POT1: variants seen among roughly 807,000 people sequenced by gnomAD.
The protein encoded by POT1 is protection of telomeres 1.
Under a neutral mutation model 78.5 loss-of-function variants are expected in POT1, and 47 were observed. The observed-to-expected ratio is 0.60, with a 90% CI of 0.47 to 0.76. The LOEUF is 0.76. Among genes scored for constraint, POT1 ranks in the 30% least tolerant of loss-of-function variants. POT1 has a pLI of 0.00. For synonymous variants in POT1, 259 were observed against 260.7 expected, an observed-to-expected ratio of 0.99 and a Z score of 0.06; for missense variants, 646 against 749.9, an observed-to-expected ratio of 0.86 and a Z score of 1.62.
At chr7:124,852,695 T>G (rs1484209142) in intron 10 of POT1, among the ~76,000 whole-genome samples, 2 of 152,146 alleles carry the variant, frequency 1.3e-5, no homozygotes, top group Admixed American at 1.3e-4. Flanking sequence ...CCCTGTTTGT[T>G]GCTGTACTTG....
intron 3 of POT1, among the ~76,000 whole-genome samples, chr7:124,906,284 A>C (rs925232104): frequency 2.0e-5 from 3 of 152,158 alleles, no homozygotes; most frequent in African/African-American, 7.2e-5. Flanking sequence ...TGTGGCACAT[A>C]TACACCATGG....
chr7:124,884,196 C>T (rs1341654872), intron 6 of POT1, among the ~76,000 whole-genome samples: 1 of 151,954 alleles, frequency 6.6e-6, no homozygotes. Flanking sequence ...TAACAAAAAA[C>T]AGCATTCTAG....
chr7:124,890,927 G>A (rs1187745660), intron 6 of POT1, among the ~76,000 whole-genome samples: 1 of 151,764 alleles, frequency 6.6e-6, no homozygotes, highest in African/African-American at 2.4e-5. Context: ...GTGACCTAAC[G>A]AGTTATGTAT....
intron 2 of POT1, among the ~76,000 whole-genome samples, chr7:124,925,466 T>TA (rs199706718): frequency 0.012 from 1,778 of 151,772 alleles, 42 homozygotes; most frequent in African/African-American, 0.039. Flanking sequence ...GTAAACAACA[T>TA]AAAAAAATGG....
At chr7:124,840,886 T>C in intron 14 of POT1, 87 bp downstream of exon 14, 1 of 1,060,458 alleles carries the variant, frequency 9.4e-7, no homozygotes, top group Non-Finnish European at 1.4e-6. Flanking sequence ...ATGTACTAGG[T>C]TGTCTGTAAA....
chr7:124,901,689 T>C (rs1796624154), intron 3 of POT1, among the ~76,000 whole-genome samples: 1 of 152,220 alleles, frequency 6.6e-6, no homozygotes, highest in Non-Finnish European at 1.5e-5. Context: ...TTTGATGAGT[T>C]GGCAGAAGTA....
intron 6 of POT1, among the ~76,000 whole-genome samples, chr7:124,877,558 C>A (rs117096264): frequency 1.3e-5 from 2 of 151,656 alleles, no homozygotes; most frequent in Non-Finnish European, 2.9e-5. Context: ...AGTAATCAAC[C>A]GGTCGTGGGG....
intron 2 of POT1, among the ~76,000 whole-genome samples, chr7:124,925,665 A>G (rs1347116202): frequency 1.3e-5 from 2 of 152,206 alleles, no homozygotes; most frequent in Non-Finnish European, 2.9e-5. Flanking sequence ...TCCTAATCAA[A>G]AAGAACAATG....
At chr7:124,838,445 G>C (rs565170535) in intron 14 of POT1, among the ~76,000 whole-genome samples, 1 of 152,142 alleles carries the variant, frequency 6.6e-6, no homozygotes, top group East Asian at 1.9e-4. Flanking sequence ...CTAACAAAAT[G>C]TGATCTATAT....
At chr7:124,875,900 T>C (rs1562999812) in intron 6 of POT1, among the ~76,000 whole-genome samples, 2 of 152,158 alleles carry the variant, frequency 1.3e-5, no homozygotes, top group African/African-American at 4.8e-5. Flanking sequence ...TTACATGATA[T>C]TTACATACCA....
chr7:124,852,002 G>A (rs377118025), intron 10 of POT1, 51 bp from the exon 11 acceptor site: 1 of 1,293,076 alleles, frequency 7.7e-7, no homozygotes, highest in Admixed American at 1.9e-5. Context: ...AGTCAATATA[G>A]TAAATTTAGC....
rs1796778764 is a variant in POT1 at position 124,906,894 on chromosome 7, A to G, written c.-153-8520T>C. ...AGAGGATAAGAAAAATATATAACAG[A>G]TAATAGTAGTTTGTATAAACACTCA... On this transcript the variant is annotated intron_variant, in intron 3 of 18. Coordinates refer to ENST00000357628, the MANE Select transcript of POT1 (RefSeq NM_015450.3). Among the ~76,000 whole-genome samples the G allele has an allele frequency of 4.6e-5, 7 of 152,248 alleles. No homozygotes were observed. The South Asian group carries it at 1.4e-3, about 32-fold the overall frequency.
intron 9 of POT1, among the ~76,000 whole-genome samples, chr7:124,854,880 A>C (rs10246553): frequency 0.6 from 90,977 of 151,418 alleles, 27,455 homozygotes; most frequent in African/African-American, 0.65. Flanking sequence ...TGTATATATA[A>C]ATATATTAGT....
chr7:124,869,126 T>C (rs1227797871), intron 7 of POT1, among the ~76,000 whole-genome samples: 2 of 152,166 alleles, frequency 1.3e-5, no homozygotes, highest in Non-Finnish European at 2.9e-5. Flanking sequence ...TTCTCTAGAC[T>C]GTGAATGGAG....
chr7:124,899,126 G>A (rs993664937), intron 3 of POT1, among the ~76,000 whole-genome samples: 2 of 152,112 alleles, frequency 1.3e-5, no homozygotes, highest in Admixed American at 6.5e-5. Context: ...TTACCACAGT[G>A]TGCTCTGCAC....
intron 2 of POT1, among the ~76,000 whole-genome samples, chr7:124,920,330 G>A (rs1392508223): frequency 6.6e-6 from 1 of 152,086 alleles, no homozygotes; most frequent in African/African-American, 2.4e-5. Flanking sequence ...GATGCAAAAG[G>A]CTACATGCTG....
intron 12 of POT1, among the ~76,000 whole-genome samples, chr7:124,846,226 G>A (rs544412532): frequency 2.0e-5 from 3 of 151,736 alleles, no homozygotes; most frequent in Non-Finnish European, 4.4e-5. Flanking sequence ...GAATATATGC[G>A]TATCATACAT....
chr7:124,853,728 A>T (rs116390465), intron 9 of POT1, among the ~76,000 whole-genome samples: 6,882 of 152,188 alleles, frequency 0.045, 391 homozygotes, highest in African/African-American at 0.13. Flanking sequence ...TTCAAACGTA[A>T]GAGTTAACTA....
chr7:124,893,382 C>T (rs906952287), intron 5 of POT1, among the ~76,000 whole-genome samples: 1 of 151,302 alleles, frequency 6.6e-6, no homozygotes, highest in Non-Finnish European at 1.5e-5. Flanking sequence ...TGAAACCCTA[C>T]CCCAAAGAAT....
Sources: allele counts gnomAD v4.1 joint callset (sites outside exome capture counted in the v4.1 genomes callset), GRCh38; gene constraint gnomAD v4.1.1; transcripts MANE v1.5; gene names NCBI Gene and HGNC (gene_info 2026-07-23, HGNC 2026-07-21).